Variants in ESYT2 observed in about 807,000 individuals in gnomAD.
ESYT2 encodes the protein extended synaptotagmin 2.
A neutral mutation model predicts 107.2 loss-of-function variants in ESYT2; 54 were observed. That is an observed-to-expected ratio of 0.50 (90% CI 0.40 to 0.63). ESYT2 has a LOEUF of 0.63. ESYT2 is among the 30% of genes least tolerant of loss of function. The probability of loss-of-function intolerance (pLI) is 0.00; values close to 1 mark genes in which losing one functional copy is unlikely to be tolerated. For synonymous variants in ESYT2, 491 were observed against 434.1 expected, an observed-to-expected ratio of 1.13 and a Z score of -1.63; for missense variants, 1,020 against 1,094.5, an observed-to-expected ratio of 0.93 and a Z score of 0.96.
intron 4 of ESYT2, among the ~76,000 whole-genome samples, chr7:158,790,691 C>T (rs2129473318): frequency 6.6e-6 from 1 of 152,300 alleles, no homozygotes; most frequent in South Asian, 2.1e-4. Context: ...CTTTGGGAGG[C>T]CGAGGCAGGC....
chr7:158,778,021 G>A (rs1838631201), intron 6 of ESYT2, among the ~76,000 whole-genome samples: 1 of 152,166 alleles, frequency 6.6e-6, no homozygotes, highest in South Asian at 2.1e-4. Context: ...ATAAAGCAAA[G>A]CACAATAAAG....
chr7:158,749,602 C>T (rs368564265), intron 15 of ESYT2, 47 bp downstream of exon 15: 316 of 1,579,612 alleles, frequency 2.0e-4, no homozygotes, highest in Non-Finnish European at 2.5e-4. Flanking sequence ...ACACGGACAG[C>T]GCCCGCACGA....
intron 1 of ESYT2, among the ~76,000 whole-genome samples, chr7:158,808,437 A>C (rs1839897728): frequency 6.6e-6 from 1 of 152,196 alleles, no homozygotes; most frequent in African/African-American, 2.4e-5. Flanking sequence ...ATGGCCCAAA[A>C]CACACCAACA....
At chr7:158,810,614 G>T (rs1328144268) in intron 1 of ESYT2, among the ~76,000 whole-genome samples, 1 of 152,086 alleles carries the variant, frequency 6.6e-6, no homozygotes, top group African/African-American at 2.4e-5. Flanking sequence ...CCTGGGAGGT[G>T]GAGGCTGCAA....
chr7:158,782,217 G>T (rs556715668), intron 6 of ESYT2, among the ~76,000 whole-genome samples: 4 of 123,698 alleles, frequency 3.2e-5, no homozygotes, highest in Non-Finnish European at 5.4e-5. Context: ...GAACGTGTGA[G>T]AACAGATGTG....
At chr7:158,764,902 A>T (rs200432934) in intron 8 of ESYT2, 49 bp from the exon 9 acceptor site, 1 of 1,582,160 alleles carries the variant, frequency 6.3e-7, no homozygotes, top group South Asian at 1.1e-5. Flanking sequence ...GGCTTGTTTA[A>T]CTGGCATGGA....
intron 16 of ESYT2, 134 bp from the exon 17 acceptor site, chr7:158,743,812 G>T: frequency 9.9e-7 from 1 of 1,007,880 alleles, no homozygotes; most frequent in Non-Finnish European, 1.4e-6. Context: ...CAGGTGGGGT[G>T]GCTCACGCCT....
At chr7:158,761,633 T>A in intron 10 of ESYT2, 89 bp from the exon 11 acceptor site, 1 of 1,182,154 alleles carries the variant, frequency 8.5e-7, no homozygotes, top group Non-Finnish European at 1.2e-6. Flanking sequence ...CATTTCTTCC[T>A]GAAACAACCT....
In ESYT2 at chr7:158,798,026, A is replaced by G; in HGVS notation, c.423T>C (p.Phe141=). Residue 141 remains phenylalanine, a synonymous_variant, in exon 3 of 23, where the codon TTT becomes TTC. Transcript: ENST00000275418. ...GCACGGCTGGTTCTATAGTTTCTCG[A>G]AACAACTTCTCTATAAATTGGCAAA... ...PFICQFIEKL[F]RETIEPAVRG... is the part of the protein sequence containing the mutation. 1.9e-6 allele frequency: 3 copies of G among 1,614,188 alleles called. No individual in the cohort carries two copies. Among genetic ancestry groups the G allele is most frequent in the Non-Finnish European group, 2.5e-6 (3 of 1,180,026 alleles).
In ESYT2 at chr7:158,741,439, T is replaced by C. The variant is rs1308686401; in HGVS notation, c.2168+84A>G. On this transcript the variant is annotated intron_variant, in intron 18 of 22. Coordinates refer to ENST00000275418, the MANE Select transcript of ESYT2 (RefSeq NM_001367773.1). ...CCCAAAGCATGCCGGCCTCATGCTC[T>C]GCTGCGTTAAACGACTCTCCCCCAG... is the stretch of plus-strand genomic sequence containing the variant. The C allele has an allele frequency of 2.0e-6, 3 of 1,490,286 alleles. No homozygotes were observed. In the African/African-American group the frequency reaches 4.3e-5, roughly 21 times the overall value. The allele number at this position is 1,490,286 out of a possible 1,614,324, so 92.3% of individuals were successfully genotyped here.
rs900537077 is a variant in ESYT2, at chr7:158,731,253, T to C, written c.*2954A>G. On this transcript the variant is annotated 3_prime_UTR_variant, in exon 23 of 23. Coordinates refer to ENST00000275418, the MANE Select transcript of ESYT2 (RefSeq NM_001367773.1). ...TAAAGAATGTCTGTAAAAGGAATTC[T>C]TACCGTGCAGAATATATTATCATGG... 6.6e-6 allele frequency: 1 copy of C among 152,258 alleles called. No homozygotes were observed. The highest frequency in any genetic ancestry group is 2.4e-5 in the African/African-American group (1 of 41,464). The allele number at this position is 152,258 out of a possible 1,614,324, so 9.4% of individuals were successfully genotyped here.
intron 13 of ESYT2, among the ~76,000 whole-genome samples, chr7:158,754,957 C>T (rs1302077246): frequency 6.6e-6 from 1 of 152,160 alleles, no homozygotes; most frequent in Admixed American, 6.5e-5. Context: ...GCTGTCATAT[C>T]AGGCTTAAGA....
intron 22 of ESYT2, 35 bp downstream of exon 22, chr7:158,734,387 C>G: frequency 6.2e-7 from 1 of 1,612,872 alleles, no homozygotes; most frequent in African/African-American, 1.3e-5. Context: ...TTTAGCTACA[C>G]ACTGGGGTTC....
intron 1 of ESYT2, among the ~76,000 whole-genome samples, chr7:158,810,057 G>A (rs114546403): frequency 0.012 from 1,816 of 152,244 alleles, 32 homozygotes; most frequent in African/African-American, 0.037. Context: ...TGGGGAAATC[G>A]AACTCTCATT....
chr7:158,752,574 A>G (rs1002034146), intron 14 of ESYT2, among the ~76,000 whole-genome samples: 2 of 152,248 alleles, frequency 1.3e-5, no homozygotes, highest in Non-Finnish European at 1.5e-5. Flanking sequence ...AATTTATCAT[A>G]CTAGTACTTT....
chr7:158,819,991 C>A (rs765365267), intron 1 of ESYT2, among the ~76,000 whole-genome samples: 3 of 148,374 alleles, frequency 2.0e-5, no homozygotes, highest in Non-Finnish European at 4.4e-5. Context: ...AGCTGTTATC[C>A]GAAAGGACAC....
At chr7:158,789,266 A>AT (rs1328808049) in intron 4 of ESYT2, among the ~76,000 whole-genome samples, 1 of 152,220 alleles carries the variant, frequency 6.6e-6, no homozygotes. Flanking sequence ...CTCATTGAGA[A>AT]TTACTCTCTA....
At chr7:158,826,805 G>A (rs1233504723) in intron 1 of ESYT2, among the ~76,000 whole-genome samples, 1 of 116,126 alleles carries the variant, frequency 8.6e-6, no homozygotes, top group East Asian at 2.5e-4. Context: ...TGGCAACAGA[G>A]CGAGATTCCG....
At chr7:158,803,218 C>T (rs923709551) in intron 1 of ESYT2, among the ~76,000 whole-genome samples, 5 of 152,258 alleles carry the variant, frequency 3.3e-5, no homozygotes, top group African/African-American at 9.6e-5. Context: ...CATCTGAAAA[C>T]ACCAACGTTC....
Sources: allele counts gnomAD v4.1 joint callset (sites outside exome capture counted in the v4.1 genomes callset), GRCh38; gene constraint gnomAD v4.1.1; transcripts MANE v1.5; gene names NCBI Gene and HGNC (gene_info 2026-07-23, HGNC 2026-07-21).